Variants in FCHSD2 observed in about 807,000 individuals in gnomAD.
The protein encoded by FCHSD2 is FCH and double SH3 domains 2.
Under a neutral mutation model 108.1 loss-of-function variants are expected in FCHSD2, and 38 were observed. That is an observed-to-expected ratio of 0.35 (90% CI 0.27 to 0.46). The LOEUF (loss-of-function observed/expected upper bound fraction) is 0.46. FCHSD2 is among the 20% of genes least tolerant of loss of function. The pLI is 1.00. For missense variants in FCHSD2, 751 were observed against 897.8 expected (o/e 0.84, Z 2.09); for synonymous variants, 279 against 314.7 (o/e 0.89, Z 1.20).
chr11:72,878,614 T>C (rs1397625180), intron 12 of FCHSD2, among the ~76,000 whole-genome samples: 1 of 152,140 alleles, frequency 6.6e-6, no homozygotes, highest in East Asian at 1.9e-4. Flanking sequence ...CAGAAGTCAG[T>C]TGAATGGACT....
At chr11:72,917,596 G>A (rs1855899198) in intron 9 of FCHSD2, among the ~76,000 whole-genome samples, 2 of 151,940 alleles carry the variant, frequency 1.3e-5, no homozygotes, top group East Asian at 1.9e-4. Flanking sequence ...ATATTAATTC[G>A]AAGACTGGGC....
At chr11:73,018,178 C>A (rs1342974974) in intron 3 of FCHSD2, among the ~76,000 whole-genome samples, 1 of 152,194 alleles carries the variant, frequency 6.6e-6, no homozygotes, top group Non-Finnish European at 1.5e-5. Flanking sequence ...GCTCCCATAT[C>A]ATGATCCCAA....
At chr11:72,984,022 C>T (rs1857264803) in intron 8 of FCHSD2, 66 bp downstream of exon 8, 2 of 1,342,738 alleles carry the variant, frequency 1.5e-6, no homozygotes, top group Admixed American at 2.0e-5. Flanking sequence ...ATAAACCCAA[C>T]ACCCAACTTA....
rs1565369151 is a variant in FCHSD2 at position 73,015,858 on chromosome 11, G to GGTATT, written c.188_192dup (p.Leu65AsnfsTer3). 1 of 1,603,260 alleles carries GGTATT rather than the reference G, an allele frequency of 6.2e-7. No individual in the cohort carries two copies. The highest frequency in any genetic ancestry group is 8.5e-7 in the Non-Finnish European group (1 of 1,173,310). ...TTTACTCCAGGCCAATCTCTCTTCA[G>GGTATT]GTATTGACTAGCCAACTTCTGCATA... On this transcript the variant is annotated frameshift_variant, in exon 4 of 20. Coordinates refer to ENST00000409418, the MANE Select transcript of FCHSD2 (RefSeq NM_014824.3). LOFTEE classifies it high-confidence loss of function.
At chr11:72,940,715 G>T (rs1346414260) in intron 8 of FCHSD2, 3 of 967,668 alleles carry the variant, frequency 3.1e-6, no homozygotes, top group Non-Finnish European at 5.0e-6. Flanking sequence ...GGCAGAAAAC[G>T]CCCAGTTCCT....
At chr11:73,112,698 G>C (rs574370270) in intron 2 of FCHSD2, among the ~76,000 whole-genome samples, 1 of 152,156 alleles carries the variant, frequency 6.6e-6, no homozygotes, top group African/African-American at 2.4e-5. Context: ...GCCCAGGCTG[G>C]AGTGCAGTGG....
At chr11:72,949,381 C>A (rs1856580688) in intron 8 of FCHSD2, among the ~76,000 whole-genome samples, 1 of 151,798 alleles carries the variant, frequency 6.6e-6, no homozygotes, top group Non-Finnish European at 1.5e-5. Context: ...ACCCTGGAGG[C>A]AGAGGTTACA....
intron 8 of FCHSD2, among the ~76,000 whole-genome samples, chr11:72,953,305 CAATTCCTTTTTCAA>C (rs1461178585): frequency 6.6e-6 from 1 of 152,174 alleles, no homozygotes; most frequent in Non-Finnish European, 1.5e-5. Context: ...TACTTCCCAT[CAATTCCTTTTTCAA>C]AATTCCTTTT....
At chr11:72,963,568 C>T (rs917536292) in intron 8 of FCHSD2, among the ~76,000 whole-genome samples, 2 of 152,178 alleles carry the variant, frequency 1.3e-5, no homozygotes, top group African/African-American at 2.4e-5. Context: ...GGATCAGCAG[C>T]CCCCAACCTT....
intron 3 of FCHSD2, among the ~76,000 whole-genome samples, chr11:73,036,178 C>T (rs956964051): frequency 1.3e-5 from 2 of 152,086 alleles, no homozygotes; most frequent in African/African-American, 4.8e-5. Flanking sequence ...ATTTGACTTC[C>T]AAGCTTCCCA....
At chr11:73,104,370 A>G (rs529205894) in intron 2 of FCHSD2, among the ~76,000 whole-genome samples, 7 of 151,376 alleles carry the variant, frequency 4.6e-5, no homozygotes, top group Admixed American at 3.9e-4. Flanking sequence ...AGGTTCAAGC[A>G]CTTCTCTTGC....
At chr11:73,130,668 G>A (rs1860975925) in intron 2 of FCHSD2, among the ~76,000 whole-genome samples, 1 of 152,164 alleles carries the variant, frequency 6.6e-6, no homozygotes, top group Non-Finnish European at 1.5e-5. Flanking sequence ...TCAATTTCAA[G>A]TACACAGTGG....
intron 3 of FCHSD2, among the ~76,000 whole-genome samples, chr11:73,021,904 C>CT (rs966405702): frequency 6.6e-6 from 1 of 151,840 alleles, no homozygotes; most frequent in Non-Finnish European, 1.5e-5. Flanking sequence ...ACCCCTGTCT[C>CT]TGTAAATAAT....
At chr11:72,944,808 A>T (rs901544772) in intron 8 of FCHSD2, among the ~76,000 whole-genome samples, 1 of 152,210 alleles carries the variant, frequency 6.6e-6, no homozygotes, top group African/African-American at 2.4e-5. Context: ...CGACTGCCTC[A>T]AAGAGAATAA....
chr11:72,923,248 T>C (rs1455779223), intron 8 of FCHSD2, among the ~76,000 whole-genome samples: 2 of 152,236 alleles, frequency 1.3e-5, no homozygotes, highest in Non-Finnish European at 2.9e-5. Context: ...AAATAAATAA[T>C]GCTGCTATGA....
chr11:72,849,936 A>G, intron 13 of FCHSD2, 47 bp from the exon 14 acceptor site: 1 of 1,543,670 alleles, frequency 6.5e-7, no homozygotes, highest in Non-Finnish European at 8.9e-7. Context: ...CTTCAAGAAA[A>G]TGGTTGAAAG....
chr11:72,968,624 G>T (rs1856956169), intron 8 of FCHSD2, among the ~76,000 whole-genome samples: 1 of 152,192 alleles, frequency 6.6e-6, no homozygotes, highest in African/African-American at 2.4e-5. Flanking sequence ...CATAAATGGG[G>T]GGTTATTCTG....
At chr11:73,121,734 G>C (rs984952883) in intron 2 of FCHSD2, among the ~76,000 whole-genome samples, 4 of 150,952 alleles carry the variant, frequency 2.6e-5, no homozygotes, top group Non-Finnish European at 5.9e-5. Context: ...GTAAACAATA[G>C]CTATAATTTA....
intron 13 of FCHSD2, among the ~76,000 whole-genome samples, chr11:72,854,841 A>T (rs1460755219): frequency 6.6e-6 from 1 of 152,220 alleles, no homozygotes; most frequent in Non-Finnish European, 1.5e-5. Context: ...CTAGATGAAA[A>T]GAATACTAGA....
Sources: allele counts gnomAD v4.1 joint callset (sites outside exome capture counted in the v4.1 genomes callset), GRCh38; gene constraint gnomAD v4.1.1; transcripts MANE v1.5; gene names NCBI Gene and HGNC (gene_info 2026-07-23, HGNC 2026-07-21).